The following LAMA4 variants were observed in gnomAD, a reference collection of about 807,000 sequenced individuals.
LAMA4 encodes laminin subunit alpha 4.
In LAMA4, 127 loss-of-function variants were observed where a neutral mutation model predicts 207.1. The observed-to-expected ratio is 0.61, with a 90% CI of 0.53 to 0.71. The LOEUF (loss-of-function observed/expected upper bound fraction) is 0.71, where lower values mean the gene tolerates loss of function less well. LAMA4 is among the 30% of genes least tolerant of loss of function. The pLI is 0.00. For synonymous variants in LAMA4, 761 were observed against 816.0 expected (o/e 0.93, Z 1.15); for missense variants, 2,093 against 2,246.5 (o/e 0.93, Z 1.38).
intron 7 of LAMA4, among the ~76,000 whole-genome samples, chr6:112,188,478 A>G (rs1178153651): frequency 6.6e-6 from 1 of 152,210 alleles, no homozygotes; most frequent in Non-Finnish European, 1.5e-5. Context: ...GGTAAGGTTA[A>G]TCTCGTCTGC....
rs34395210 is a variant in LAMA4, at chr6:112,168,345, C to CTTTTT, written c.1552-3074_1552-3070dup. Among the ~76,000 whole-genome samples, 45 of 129,300 alleles carry CTTTTT rather than the reference C, an allele frequency of 3.5e-4. 1 individual carries two copies. Among genetic ancestry groups the CTTTTT allele is most frequent in the Non-Finnish European group, 5.6e-4 (34 of 61,196 alleles). 84.8% of individuals were successfully genotyped at this position (129,300 alleles called of 152,430 possible). On this transcript the variant is annotated intron_variant, in intron 12 of 38. Coordinates refer to ENST00000230538, the MANE Select transcript of LAMA4 (RefSeq NM_001105206.3). ...AGGACTCCTTCTGGCAGCTAGTGTT[C>CTTTTT]TTTTTTTTTTTTTTTTTGAGGTGGA...
In LAMA4 at chr6:112,190,930, T is replaced by TCCTTTC. The variant is rs1472505404; in HGVS notation, c.718+705_718+706insGAAAGG. Reference sequence around the variant, plus strand: ...TTCTTTCTTTCTTTCTTTCTTTCTTTCTTTCTTTCTTTCTTTCCTTTCTTT... The same window carrying TCCTTTC: ...TTCTTTCTTTCTTTCTTTCTTTCTTTCCTTTCCTTTCTTTCTTTCTTTCCTTTCTTT... On this transcript the variant is annotated intron_variant, in intron 6 of 38. Coordinates refer to ENST00000230538, the MANE Select transcript of LAMA4 (RefSeq NM_001105206.3). 8.3e-4 allele frequency among the ~76,000 whole-genome samples: 66 copies of TCCTTTC among 79,876 alleles called. 1 individual carries two copies. The highest frequency in any genetic ancestry group is 4.1e-3 in the South Asian group (8 of 1,942). The allele number at this position is 79,876 out of a possible 152,430, so 52.4% of individuals were successfully genotyped here.
At chr6:112,223,940 C>CT (rs1170902001) in intron 2 of LAMA4, among the ~76,000 whole-genome samples, 7 of 152,132 alleles carry the variant, frequency 4.6e-5, no homozygotes, top group South Asian at 2.1e-4. Flanking sequence ...CTCATACTGT[C>CT]TTTTTTTTCT....
intron 2 of LAMA4, among the ~76,000 whole-genome samples, chr6:112,234,012 CTGGAAGCCTTG>C (rs1554365139): frequency 6.6e-6 from 1 of 152,152 alleles, no homozygotes; most frequent in Non-Finnish European, 1.5e-5. Flanking sequence ...TTAGGCACAT[CTGGAAGCCTTG>C]TTAATCCTTT....
chr6:112,134,547 C>G lies in LAMA4; in HGVS notation c.3477G>C (p.Lys1159Asn), dbSNP rs782452567. The G allele has an allele frequency of 1.9e-6, 3 of 1,611,130 alleles. No homozygotes were observed. The South Asian group carries it at 3.3e-5, about 18-fold the overall frequency. Residue 1159 changes from lysine to asparagine, a missense_variant, in exon 26 of 39, where the codon AAG becomes AAC. This residue lies in a region of LAMA4 where 1,704 missense variants were observed against 1,788.4 expected (regional missense o/e 0.95). Coordinates refer to ENST00000230538, the MANE Select transcript of LAMA4 (RefSeq NM_001105206.3). The stretch of plus-strand genomic sequence containing the variant: ...TTTTCATCTTTTCATTATCCATGCT[C>G]TTGACATGCCTTCTGTCAACTACCA... Reference protein sequence around the residue: ...MILVVDRRHVKSMDNEKMKIP... With the variant: ...MILVVDRRHVNSMDNEKMKIP...
rs782167998 is a variant in LAMA4, at chr6:112,114,794, C to T, written c.5113-38G>A. 5 of 1,390,822 alleles carry T rather than the reference C, an allele frequency of 3.6e-6. No homozygotes were observed. In the East Asian group the frequency reaches 1.1e-4, roughly 32 times the overall value. 86.2% of individuals were successfully genotyped at this position (1,390,822 alleles called of 1,614,324 possible). On this transcript the variant is annotated intron_variant, in intron 36 of 38. Transcript: ENST00000230538. The stretch of plus-strand genomic sequence containing the variant: ...GGACACATTGTATGATTTAGTTTGT[C>T]CTCATTGTGATAAAACTGAATTTCT...
At chr6:112,231,398 G>A (rs1785551176) in intron 2 of LAMA4, among the ~76,000 whole-genome samples, 1 of 152,070 alleles carries the variant, frequency 6.6e-6, no homozygotes, top group Non-Finnish European at 1.5e-5. Flanking sequence ...CAGCCCATTA[G>A]GCCTCTCTTA....
At chr6:112,119,352 C>G in intron 33 of LAMA4, 41 bp from the exon 34 acceptor site, 1 of 1,604,566 alleles carries the variant, frequency 6.2e-7, no homozygotes, top group East Asian at 2.2e-5. Flanking sequence ...CAGGTACATT[C>G]CAAGATTGCA....
intron 8 of LAMA4, 76 bp downstream of exon 8, chr6:112,187,374 G>A (rs1215444894): frequency 6.5e-7 from 1 of 1,531,774 alleles, no homozygotes; most frequent in East Asian, 2.3e-5. Context: ...TACAAAAAGG[G>A]GTAGAAGGAA....
chr6:112,139,548 A>T (rs1386847195), intron 23 of LAMA4, among the ~76,000 whole-genome samples: 1 of 152,212 alleles, frequency 6.6e-6, no homozygotes, highest in African/African-American at 2.4e-5. Context: ...CAAGGCTGCA[A>T]ACAAGTTGTT....
In LAMA4 at chr6:112,109,467, G is replaced by A. The variant is rs200300118; in HGVS notation, c.5442C>T (p.Ala1814=). 2.1e-4 allele frequency: 335 copies of A among 1,613,988 alleles called. No individual in the cohort carries two copies. The highest frequency in any genetic ancestry group is 2.5e-4 in the South Asian group (23 of 91,068). ...SFSKAALVSG[A]VSINSCPAA Reference sequence around the variant, plus strand: ...CTGCTGGACAGGAGTTGATGCTTACGGCGCCGCTGACCAGGGCTGCTTTAC... The same window carrying A: ...CTGCTGGACAGGAGTTGATGCTTACAGCGCCGCTGACCAGGGCTGCTTTAC... The change falls in exon 39 of 39, where the codon GCC becomes GCT. Residue 1814 remains alanine, a synonymous_variant. Transcript: ENST00000230538.
intron 28 of LAMA4, among the ~76,000 whole-genome samples, chr6:112,132,212 A>G (rs1326265782): frequency 1.3e-5 from 2 of 152,198 alleles, no homozygotes; most frequent in African/African-American, 4.8e-5. Flanking sequence ...ATACTGAAAT[A>G]CAGTTTTCAA....
chr6:112,220,498 AT>A (rs782204500), intron 2 of LAMA4, among the ~76,000 whole-genome samples: 2 of 152,196 alleles, frequency 1.3e-5, no homozygotes, highest in Non-Finnish European at 2.9e-5. Flanking sequence ...TGTCAATTAC[AT>A]TTAAAGGAAC....
intron 35 of LAMA4, among the ~76,000 whole-genome samples, chr6:112,116,614 G>C (rs1385438237): frequency 1.3e-5 from 2 of 152,166 alleles, no homozygotes; most frequent in African/African-American, 4.8e-5. Context: ...AAAGTATTTA[G>C]GAGCTGTTAC....
At chr6:112,197,123 T>C (rs1554350723) in intron 5 of LAMA4, among the ~76,000 whole-genome samples, 1 of 152,218 alleles carries the variant, frequency 6.6e-6, no homozygotes, top group African/African-American at 2.4e-5. Context: ...TACCACCCAG[T>C]AAGTACTTAA....
intron 20 of LAMA4, among the ~76,000 whole-genome samples, chr6:112,141,707 C>A (rs1779707303): frequency 6.6e-6 from 1 of 152,156 alleles, no homozygotes. Flanking sequence ...CTGGCCCCAT[C>A]TTGCTCAGGC....
chr6:112,186,604 C>G, intron 8 of LAMA4: 2 of 353,338 alleles, frequency 5.7e-6, no homozygotes, highest in South Asian at 4.7e-5. Flanking sequence ...TACAAAATGG[C>G]CTAGTATTTG....
intron 2 of LAMA4, chr6:112,251,551 T>G (rs577940799): frequency 6.6e-6 from 1 of 152,368 alleles, no homozygotes; most frequent in East Asian, 1.9e-4. Context: ...ACCTCTCCCA[T>G]GAATAATGTG....
intron 12 of LAMA4, among the ~76,000 whole-genome samples, chr6:112,166,747 A>C (rs1781405331): frequency 6.6e-6 from 1 of 152,248 alleles, no homozygotes. Context: ...AAACAAATAA[A>C]GATATTTCCA....
Sources: allele counts gnomAD v4.1 joint callset (sites outside exome capture counted in the v4.1 genomes callset), GRCh38; gene constraint gnomAD v4.1.1; regional missense constraint gnomAD v4.1.1; transcripts MANE v1.5; gene names NCBI Gene and HGNC (gene_info 2026-07-23, HGNC 2026-07-21).